Variants in GRIA4 observed in about 807,000 individuals in gnomAD.
GRIA4 encodes glutamate ionotropic receptor AMPA type subunit 4.
A neutral mutation model predicts 104.0 loss-of-function variants in GRIA4; 34 were observed. The observed-to-expected ratio is 0.33, with a 90% CI of 0.25 to 0.44. The LOEUF is 0.44. Ranked by LOEUF, GRIA4 falls within the 20% of genes least tolerant of loss-of-function variation. GRIA4 has a pLI of 1.00. For synonymous variants in GRIA4, 386 were observed against 381.9 expected, an observed-to-expected ratio of 1.01 and a Z score of -0.13; for missense variants, 750 against 1,096.5, an observed-to-expected ratio of 0.68 and a Z score of 4.46.
At chr11:105,864,999 C>A (rs1207689420) in intron 5 of GRIA4, among the ~76,000 whole-genome samples, 1 of 152,152 alleles carries the variant, frequency 6.6e-6, no homozygotes, top group Non-Finnish European at 1.5e-5. Flanking sequence ...AGACAATATT[C>A]TCTCAAAATA....
intron 3 of GRIA4, among the ~76,000 whole-genome samples, chr11:105,648,821 CA>C (rs1951606408): frequency 6.6e-6 from 1 of 152,128 alleles, no homozygotes; most frequent in Admixed American, 6.6e-5. Flanking sequence ...TGATTTTTGC[CA>C]TTACTTTTAA....
intron 4 of GRIA4, among the ~76,000 whole-genome samples, chr11:105,806,813 C>A (rs569514620): frequency 6.6e-6 from 1 of 150,804 alleles, no homozygotes; most frequent in South Asian, 2.1e-4. Flanking sequence ...GAAACAAGAA[C>A]AGGAGACCAT....
chr11:105,797,627 C>T (rs949338824), intron 4 of GRIA4: 43 of 257,040 alleles, frequency 1.7e-4, no homozygotes, highest in South Asian at 1.5e-3. Flanking sequence ...TCTTTGTTCT[C>T]ATAATCTGGC....
chr11:105,865,888 C>G (rs1477286184), intron 5 of GRIA4, among the ~76,000 whole-genome samples: 1 of 152,144 alleles, frequency 6.6e-6, no homozygotes, highest in African/African-American at 2.4e-5. Context: ...ACACATTTTA[C>G]TCCACTGTGA....
At chr11:105,869,495 A>G (rs1945540359) in intron 5 of GRIA4, among the ~76,000 whole-genome samples, 1 of 152,134 alleles carries the variant, frequency 6.6e-6, no homozygotes, top group Non-Finnish European at 1.5e-5. Flanking sequence ...GGTAAGTTAT[A>G]TTCCTCATTA....
chr11:105,961,410 C>T (rs772689998), intron 14 of GRIA4, among the ~76,000 whole-genome samples: 1 of 152,096 alleles, frequency 6.6e-6, no homozygotes, highest in Non-Finnish European at 1.5e-5. Context: ...TGTTTTTAAA[C>T]TATATTAAGA....
chr11:105,695,773 C>A (rs979439071), intron 3 of GRIA4, among the ~76,000 whole-genome samples: 21 of 152,224 alleles, frequency 1.4e-4, no homozygotes, highest in African/African-American at 5.1e-4. Flanking sequence ...AAGGTTACTT[C>A]TTGGCTAGGA....
intron 14 of GRIA4, among the ~76,000 whole-genome samples, chr11:105,963,517 A>T (rs1948791230): frequency 6.6e-6 from 1 of 152,078 alleles, no homozygotes; most frequent in Non-Finnish European, 1.5e-5. Flanking sequence ...AAGAAAGGTA[A>T]ATTTCATATA....
At chr11:105,924,249 T>C (rs1189658560) in intron 11 of GRIA4, 150 bp from the exon 12 acceptor site, 1 of 506,764 alleles carries the variant, frequency 2.0e-6, no homozygotes, top group Non-Finnish European at 3.6e-6. Context: ...TTCATGTTTG[T>C]GTCTATCACT....
chr11:105,716,910 G>A (rs915213721), intron 3 of GRIA4, among the ~76,000 whole-genome samples: 2 of 151,942 alleles, frequency 1.3e-5, no homozygotes, highest in African/African-American at 4.8e-5. Context: ...TTGTTCTCAC[G>A]TTTTACAACT....
intron 3 of GRIA4, among the ~76,000 whole-genome samples, chr11:105,696,655 T>C (rs1453836673): frequency 6.6e-6 from 1 of 152,190 alleles, no homozygotes; most frequent in South Asian, 2.1e-4. Context: ...TGAAATTTAA[T>C]TAATTGAAAT....
intron 3 of GRIA4, among the ~76,000 whole-genome samples, chr11:105,698,651 G>C (rs1333833030): frequency 6.6e-6 from 1 of 152,182 alleles, no homozygotes; most frequent in African/African-American, 2.4e-5. Context: ...GAACACCAGA[G>C]AGAATGTGCA....
intron 10 of GRIA4, chr11:105,911,877 C>T: frequency 6.5e-7 from 1 of 1,547,520 alleles, no homozygotes; most frequent in Non-Finnish European, 8.8e-7. Context: ...TCTTTTCAGC[C>T]TCTGATGAAG....
In GRIA4 at chr11:105,834,284, G is replaced by A. The variant is rs117726236; in HGVS notation, c.488-27740G>A. On this transcript the variant is annotated intron_variant, in intron 4 of 16. Coordinates refer to ENST00000282499, the MANE Select transcript of GRIA4 (RefSeq NM_000829.4). ...TAATGTCAAAATTACTCAAGATAATGAGTATTAATATGGTAAATTAACCTG... is the reference window on the plus strand; with the variant it reads ...TAATGTCAAAATTACTCAAGATAATAAGTATTAATATGGTAAATTAACCTG... Among the ~76,000 whole-genome samples, 823 of 152,098 alleles carry A rather than the reference G, an allele frequency of 5.4e-3. 4 individuals carry two copies. The highest frequency in any genetic ancestry group is 8.6e-3 in the Admixed American group (131 of 15,248).
At chr11:105,945,037 G>A (rs149988739) in intron 14 of GRIA4, among the ~76,000 whole-genome samples, 4 of 152,196 alleles carry the variant, frequency 2.6e-5, no homozygotes, top group East Asian at 3.9e-4. Context: ...TCATGGTGCT[G>A]CTTGTAGCAC....
intron 4 of GRIA4, among the ~76,000 whole-genome samples, chr11:105,776,932 G>A (rs1941476093): frequency 6.6e-6 from 1 of 152,140 alleles, no homozygotes; most frequent in African/African-American, 2.4e-5. Context: ...ATACCAAGAT[G>A]TTCTACTACC....
chr11:105,611,284 C>A (rs1312341462), intron 2 of GRIA4, among the ~76,000 whole-genome samples, 199 bp downstream of exon 2: 1 of 152,044 alleles, frequency 6.6e-6, no homozygotes, highest in African/African-American at 2.4e-5. Context: ...CCAGGGCAGC[C>A]CACCCATGCG....
intron 3 of GRIA4, among the ~76,000 whole-genome samples, chr11:105,688,150 CTA>C (rs1187445992): frequency 2.4e-4 from 12 of 50,174 alleles, no homozygotes; most frequent in African/African-American, 3.5e-4. Context: ...ATATCTATAT[CTA>C]TATCTCTATC....
In GRIA4 at chr11:105,711,947, G is replaced by A. The variant is rs551420043; in HGVS notation, c.248-41034G>A. Among the ~76,000 whole-genome samples, 46 of 152,170 alleles carry A rather than the reference G, an allele frequency of 3.0e-4. 1 individual carries two copies. Among genetic ancestry groups the A allele is most frequent in the African/African-American group, 9.4e-4 (39 of 41,542 alleles). ...AACACTTACTTTGTGAGAATTAAATGTAAAATATTGTTGAAAATAATTGGC... is the reference window on the plus strand; with the variant it reads ...AACACTTACTTTGTGAGAATTAAATATAAAATATTGTTGAAAATAATTGGC... On this transcript the variant is annotated intron_variant, in intron 3 of 16. Coordinates refer to ENST00000282499, the MANE Select transcript of GRIA4 (RefSeq NM_000829.4).
Sources: gnomAD v4.1 joint callset for allele counts (sites outside exome capture counted in the v4.1 genomes callset) on GRCh38, gnomAD v4.1.1 for gene constraint, MANE v1.5 for transcripts, NCBI Gene and HGNC (gene_info 2026-07-23, HGNC 2026-07-21) for gene names.